Variants in PBXIP1 observed in about 807,000 individuals in gnomAD.
PBXIP1 encodes the protein PBX homeobox interacting protein 1.
PBXIP1 carries 73 observed loss-of-function variants against 73.7 expected under a neutral mutation model. The observed-to-expected ratio is 0.99, with a 90% CI of 0.82 to 1.20. PBXIP1 has a LOEUF of 1.20. Among genes scored for constraint, PBXIP1 ranks in the 50% most tolerant of loss-of-function variants. The pLI is 0.00. For missense variants in PBXIP1, 818 were observed against 911.4 expected (o/e 0.90, Z 1.32); for synonymous variants, 330 against 366.9 (o/e 0.90, Z 1.15).
rs775840361 is a variant in PBXIP1, at chr1:154,945,642, C to T, written c.2032G>A (p.Asp678Asn). 8.7e-6 allele frequency: 14 copies of T among 1,614,182 alleles called. No homozygotes were observed. The highest frequency in any genetic ancestry group is 1.1e-5 in the Non-Finnish European group (13 of 1,180,002). The part of the protein sequence containing the change: ...EEVAVQQTGD[D>N]DEVDDFEDFI... ...TCCTCAAAGTCATCTACTTCATCAT[C>T]ATCACCTGTCTGTTGCACAGCCACC... The change falls in exon 10 of 11, where the codon GAT becomes AAT. Residue 678 changes from aspartate (D) to asparagine (N), a missense_variant. Coordinates refer to ENST00000368463, the MANE Select transcript of PBXIP1 (RefSeq NM_020524.4).
chr1:154,944,648 G>A lies in PBXIP1; in HGVS notation c.*376C>T. The A allele has an allele frequency of 5.8e-6, 1 of 173,634 alleles. No homozygotes were observed. Among genetic ancestry groups the A allele is most frequent in the South Asian group, 1.6e-4 (1 of 6,216 alleles). The allele number at this position is 173,634 out of a possible 1,614,324, so 10.8% of individuals were successfully genotyped here. ...CAAATCCCAAGGCACCGGTCAGCAT[G>A]TGGGTCAAGGGGCCCACTATGGGGA... On this transcript the variant is annotated 3_prime_UTR_variant, in exon 11 of 11. Coordinates refer to ENST00000368463, the MANE Select transcript of PBXIP1 (RefSeq NM_020524.4).
At chr1:154,945,208 T>A (rs1215803871) in intron 10 of PBXIP1, 91 bp from the exon 11 acceptor site, 1 of 955,164 alleles carries the variant, frequency 1.0e-6, no homozygotes, top group African/African-American at 1.6e-5. Flanking sequence ...CCAATGAAGC[T>A]GACTTGAGCA....
chr1:154,953,890 C>T, intron 1 of PBXIP1, 133 bp from the exon 2 acceptor site: 2 of 599,656 alleles, frequency 3.3e-6, no homozygotes, highest in Non-Finnish European at 3.0e-6. Flanking sequence ...TCCAGTCCTT[C>T]TCTCCCTGAC....
In PBXIP1 at chr1:154,947,012, C is replaced by T. The variant is rs995064793; in HGVS notation, c.871-209G>A. Reference sequence around the variant, plus strand: ...GATCCCCAAATTCCATCCTGAGCCTCGGCATCTACATCTTTATATAAGCAC... The same window carrying T: ...GATCCCCAAATTCCATCCTGAGCCTTGGCATCTACATCTTTATATAAGCAC... On this transcript the variant is annotated intron_variant, in intron 9 of 10. Coordinates refer to ENST00000368463, the MANE Select transcript of PBXIP1 (RefSeq NM_020524.4). 4.0e-5 allele frequency: 22 copies of T among 546,280 alleles called. 1 individual carries two copies. The highest frequency in any genetic ancestry group is 6.9e-5 in the Non-Finnish European group (21 of 305,342). The allele number at this position is 546,280 out of a possible 1,614,324, so 33.8% of individuals were successfully genotyped here. A position where few individuals can be genotyped will look rare whatever the true frequency, so the allele number is the denominator to read the frequency against.
Position 154,947,428 on chromosome 1 carries a change from C to T in PBXIP1, c.859G>A (p.Ala287Thr). The change falls in exon 9 of 11, where the codon GCC becomes ACC. Residue 287 changes from alanine to threonine, a missense_variant. By Grantham distance (58) the Ala-to-Thr change is moderately conservative. Coordinates refer to ENST00000368463, the MANE Select transcript of PBXIP1 (RefSeq NM_020524.4). The stretch of plus-strand genomic sequence containing the variant: ...CTGCCTGTGCCCACCTGCAGCTGGG[C>T]CTGCAGCAGCCGGATGTCCTGGTTC... Reference protein sequence around the residue: ...KENQDIRLLQAQLQAQKEELQ... With the variant: ...KENQDIRLLQTQLQAQKEELQ... The T allele has an allele frequency of 1.2e-6, 2 of 1,614,058 alleles. No individual in the cohort carries two copies. The highest frequency in any genetic ancestry group is 1.7e-6 in the Non-Finnish European group (2 of 1,179,976).
Position 154,953,663 on chromosome 1 carries a change from C to T in PBXIP1, c.51+8G>A, listed in dbSNP as rs1484141624. ...CACCCCCATGGTTCCCAGGCCCGCT[C>T]TTCCTACCTCGGAGCCAGCAAGCAC... On this transcript the variant is annotated splice_region_variant and intron_variant, in intron 2 of 10. Transcript: ENST00000368463. 5.6e-6 allele frequency: 9 copies of T among 1,606,628 alleles called. No individual in the cohort carries two copies. Among genetic ancestry groups the T allele is most frequent in the African/African-American group, 5.4e-5 (4 of 74,766 alleles).
Position 154,946,806 on chromosome 1 carries a change from A to G in PBXIP1, c.871-3T>C. ...CTCTGAAGCTCTTCCTTTTGGGCCT[A>G]GAATATGGTTTGGGACAAAGGAAGT... On this transcript the variant is annotated splice_polypyrimidine_tract_variant and splice_region_variant and intron_variant, in intron 9 of 10. Coordinates refer to ENST00000368463, the MANE Select transcript of PBXIP1 (RefSeq NM_020524.4). 2 of 1,524,160 alleles carry G rather than the reference A, an allele frequency of 1.3e-6. No homozygotes were observed. The highest frequency in any genetic ancestry group is 8.8e-7 in the Non-Finnish European group (1 of 1,137,298). The allele number at this position is 1,524,160 out of a possible 1,614,324, so 94.4% of individuals were successfully genotyped here.
chr1:154,947,966 GCTCCTCCCTACTCACCAGTCTCAGA>G lies in PBXIP1; in HGVS notation c.658_667+15del, dbSNP rs1337097785. 1 of 1,612,938 alleles carries G rather than the reference GCTCCTCCCTACTCACCAGTCTCAGA, an allele frequency of 6.2e-7. No homozygotes were observed. Among genetic ancestry groups the G allele is most frequent in the African/African-American group, 1.3e-5 (1 of 74,832 alleles). On this transcript the variant is annotated splice_donor_variant and splice_donor_5th_base_variant and coding_sequence_variant and intron_variant, in exon 7 of 11. Coordinates refer to ENST00000368463, the MANE Select transcript of PBXIP1 (RefSeq NM_020524.4). LOFTEE classifies it high-confidence loss of function. Reference sequence around the variant, plus strand: ...CATACAACTCCCCAGCACAAGACAGGCTCCTCCCTACTCACCAGTCTCAGACTCTGAGAGGCCACCTAAGGACAGA... The same window carrying G: ...CATACAACTCCCCAGCACAAGACAGGCTCTGAGAGGCCACCTAAGGACAGA...
chr1:154,949,223 T>C (rs1033661436), intron 5 of PBXIP1, among the ~76,000 whole-genome samples: 1 of 152,088 alleles, frequency 6.6e-6, no homozygotes, highest in Non-Finnish European at 1.5e-5. Flanking sequence ...TGGAGTGCAG[T>C]GGCACGATCA....
intron 1 of PBXIP1, among the ~76,000 whole-genome samples, 165 bp downstream of exon 1, chr1:154,955,904 T>A (rs1359773937): frequency 6.6e-6 from 1 of 152,178 alleles, no homozygotes; most frequent in Non-Finnish European, 1.5e-5. Context: ...TTGCCTGGGG[T>A]ACCCAGAGCA....
chr1:154,948,285 C>G lies in PBXIP1; in HGVS notation c.491G>C (p.Gly164Ala). 6.2e-7 allele frequency: 1 copy of G among 1,610,950 alleles called. No individual in the cohort carries two copies. The highest frequency in any genetic ancestry group is 8.5e-7 in the Non-Finnish European group (1 of 1,178,944). The change falls in exon 6 of 11, where the codon GGC becomes GCC. Residue 164 changes from glycine (G) to alanine (A), a missense_variant. Transcript: ENST00000368463. ...GGGCTGAGGTGGGCCGGCCTCCCGG[C>G]CCCGCCGTCTCCGCAGACCCTCCAT... ...VDMEGLRRRRGREAGPPQPMV... is the reference protein window; with the variant it reads ...VDMEGLRRRRAREAGPPQPMV...
intron 10 of PBXIP1, 90 bp from the exon 11 acceptor site, chr1:154,945,207 C>A: frequency 2.1e-6 from 2 of 954,834 alleles, no homozygotes; most frequent in Admixed American, 4.5e-5. Flanking sequence ...CCCAATGAAG[C>A]TGACTTGAGC....
At chr1:154,953,817 A>G (rs1360785082) in intron 1 of PBXIP1, 60 bp from the exon 2 acceptor site, 2 of 1,129,480 alleles carry the variant, frequency 1.8e-6, no homozygotes, top group Non-Finnish European at 2.6e-6. Context: ...GAATGCAGAA[A>G]GCAGCCTTGG....
rs765946770 is a variant in PBXIP1 at position 154,951,940 on chromosome 1, G to A, written c.52-19C>T. 2.5e-6 allele frequency: 4 copies of A among 1,596,846 alleles called. No homozygotes were observed. Among genetic ancestry groups the A allele is most frequent in the Non-Finnish European group, 2.6e-6 (3 of 1,175,260 alleles). On this transcript the variant is annotated intron_variant, in intron 2 of 10. Transcript: ENST00000368463. This position sits in a 1 kb window ranked among gnomAD's most constrained non-coding sequence, Gnocchi z 4.3. ...GCAGGCTCTGGGAGGAGAAGTGCAA[G>A]GAGAAGGGCTGCACCCAAGAATGGG... is the stretch of plus-strand genomic sequence containing the variant.
chr1:154,946,638 C>T lies in PBXIP1; in HGVS notation c.1036G>A (p.Val346Ile). ...AGGCACACCCCATCTGGGCCCCGGA[C>T]ACAGTCGGCCTCCAGCCCCTGGAGC... ...ARLQGLEADC[V>I]RGPDGVCLSG... Residue 346 changes from valine (V) to isoleucine (I), a missense_variant, in exon 10 of 11, where the codon GTC becomes ATC. Transcript: ENST00000368463. The T allele has an allele frequency of 6.2e-7, 1 of 1,612,250 alleles. No individual in the cohort carries two copies. Among genetic ancestry groups the T allele is most frequent in the Non-Finnish European group, 8.5e-7 (1 of 1,178,756 alleles).
chr1:154,945,705 G>A lies in PBXIP1; in HGVS notation c.1969C>T (p.Arg657Trp), dbSNP rs200704535. ...TCCTCCAGGGCATCCACAAAATCCCGGAAGCGGAGGCGGTCATGACGGAAG... is the reference window on the plus strand; with the variant it reads ...TCCTCCAGGGCATCCACAAAATCCCAGAAGCGGAGGCGGTCATGACGGAAG... ...GIFRHDRLRFRDFVDALEDSL... is the reference protein window; with the variant it reads ...GIFRHDRLRFWDFVDALEDSL... The change falls in exon 10 of 11, where the codon CGG becomes TGG. Residue 657 changes from arginine (R) to tryptophan (W), a missense_variant. Physicochemically the swap from Arg to Trp is moderately radical, Grantham distance 101 (BLOSUM62 -3). Transcript: ENST00000368463. 7.4e-5 allele frequency: 119 copies of A among 1,614,194 alleles called. 2 individuals are homozygous for A. The highest frequency in any genetic ancestry group is 2.4e-4 in the South Asian group (22 of 91,086).
chr1:154,952,100 G>C (rs1655023537), intron 2 of PBXIP1, among the ~76,000 whole-genome samples, 179 bp from the exon 3 acceptor site: 1 of 152,104 alleles, frequency 6.6e-6, no homozygotes, highest in South Asian at 2.1e-4. Flanking sequence ...CCAGGTTTCC[G>C]CTACACAGCG....
intron 1 of PBXIP1, among the ~76,000 whole-genome samples, chr1:154,955,215 C>T (rs1173381641): frequency 1.3e-5 from 2 of 152,160 alleles, no homozygotes; most frequent in Non-Finnish European, 2.9e-5. Context: ...TTCAGCCTTC[C>T]GCTTGTGGCT....
In PBXIP1 at chr1:154,944,525, A is replaced by AT. The variant is rs1240798547; in HGVS notation, c.*498_*499insA. On this transcript the variant is annotated 3_prime_UTR_variant, in exon 11 of 11. Coordinates refer to ENST00000368463, the MANE Select transcript of PBXIP1 (RefSeq NM_020524.4). ...GTGGGAGAAGCAGGGGTAAAAAAAAAAAGGGGGGGGACTTCACCCCCTAGG... is the reference window on the plus strand; with the variant it reads ...GTGGGAGAAGCAGGGGTAAAAAAAAATAAGGGGGGGGACTTCACCCCCTAGG... The AT allele has an allele frequency of 6.5e-6, 1 of 152,870 alleles. No homozygotes were observed. The highest frequency in any genetic ancestry group is 1.5e-5 in the Non-Finnish European group (1 of 68,826). 9.5% of individuals were successfully genotyped at this position (152,870 alleles called of 1,614,324 possible). A position where few individuals can be genotyped will look rare whatever the true frequency, so the allele number is the denominator to read the frequency against.
Sources: allele counts gnomAD v4.1 joint callset (sites outside exome capture counted in the v4.1 genomes callset), GRCh38; gene constraint gnomAD v4.1.1; non-coding constraint Gnocchi (gnomAD v3.1); transcripts MANE v1.5; gene names NCBI Gene and HGNC (gene_info 2026-07-23, HGNC 2026-07-21).